Variants in RIT2 observed in about 807,000 individuals in gnomAD.
The protein encoded by RIT2 is Ras like without CAAX 2, also known as GTP-binding protein Rit2.
A neutral mutation model predicts 23.7 loss-of-function variants in RIT2; 24 were observed. The ratio of observed to expected loss-of-function variants is 1.01; its 90% CI spans 0.73 to 1.43. The LOEUF (loss-of-function observed/expected upper bound fraction) is 1.43. Ranked by LOEUF, RIT2 falls within the 40% of genes most tolerant of loss-of-function variation. The pLI is 0.00. For missense variants in RIT2, 236 were observed against 266.9 expected (o/e 0.88, Z 0.81); for synonymous variants, 107 against 91.1 (o/e 1.17, Z -0.99).
intron 1 of RIT2, among the ~76,000 whole-genome samples, chr18:43,073,754 T>G (rs1425211789): frequency 6.6e-6 from 1 of 152,180 alleles, no homozygotes; most frequent in Non-Finnish European, 1.5e-5. Flanking sequence ...ACTGGTTGAC[T>G]GGACATACCT....
chr18:42,877,157 A>G (rs1334946028), intron 4 of RIT2, among the ~76,000 whole-genome samples: 2 of 151,912 alleles, frequency 1.3e-5, no homozygotes, highest in African/African-American at 4.8e-5. Context: ...AAACTACCAA[A>G]TTATTAAAAG....
intron 4 of RIT2, among the ~76,000 whole-genome samples, chr18:42,782,774 A>G (rs1449791419): frequency 1.3e-5 from 2 of 152,136 alleles, no homozygotes; most frequent in Admixed American, 6.6e-5. Context: ...TCCCCTTGGT[A>G]GGGAATCTAA....
chr18:43,076,919 C>T (rs1225922363), intron 1 of RIT2, among the ~76,000 whole-genome samples: 7 of 151,186 alleles, frequency 4.6e-5, no homozygotes, highest in Non-Finnish European at 7.4e-5. Flanking sequence ...CCGGCTAAAA[C>T]GGTGAAACCC....
At chr18:42,815,174 C>T (rs1203609216) in intron 4 of RIT2, among the ~76,000 whole-genome samples, 2 of 152,094 alleles carry the variant, frequency 1.3e-5, no homozygotes, top group African/African-American at 4.8e-5. Flanking sequence ...AAGAAGAAAT[C>T]CCCGATTTAC....
chr18:42,765,986 T>A (rs923416255), intron 4 of RIT2, among the ~76,000 whole-genome samples: 1 of 152,158 alleles, frequency 6.6e-6, no homozygotes, highest in Non-Finnish European at 1.5e-5. Flanking sequence ...TTTCACCTCC[T>A]GCCATGATTC....
intron 4 of RIT2, among the ~76,000 whole-genome samples, chr18:42,855,213 AC>A (rs1907150875): frequency 6.6e-6 from 1 of 152,186 alleles, no homozygotes. Context: ...TCTTGAGATA[AC>A]AAGGCCTGGT....
chr18:43,056,948 T>G (rs772583259), intron 1 of RIT2, among the ~76,000 whole-genome samples: 6 of 151,630 alleles, frequency 4.0e-5, no homozygotes, highest in Non-Finnish European at 8.8e-5. Flanking sequence ...TTAATTATAA[T>G]CATGGGATTT....
At chr18:42,823,810 T>C (rs1464741387) in intron 4 of RIT2, among the ~76,000 whole-genome samples, 1 of 152,136 alleles carries the variant, frequency 6.6e-6, no homozygotes, top group East Asian at 1.9e-4. Context: ...ATGGGCTCAA[T>C]TCACGGAGTC....
At chr18:42,961,856 T>C (rs923531170) in intron 3 of RIT2, among the ~76,000 whole-genome samples, 2 of 152,230 alleles carry the variant, frequency 1.3e-5, no homozygotes, top group African/African-American at 4.8e-5. Flanking sequence ...CAAAGTGGTA[T>C]TCTCTCAGAG....
chr18:42,912,984 A>G (rs975186287), intron 4 of RIT2, among the ~76,000 whole-genome samples: 3 of 151,970 alleles, frequency 2.0e-5, no homozygotes, highest in East Asian at 3.9e-4. Context: ...CGAGGGAGGA[A>G]TTATTGATGT....
intron 1 of RIT2, among the ~76,000 whole-genome samples, chr18:43,097,371 C>G (rs541753402): frequency 6.6e-6 from 1 of 151,902 alleles, no homozygotes; most frequent in East Asian, 1.9e-4. Context: ...GTTAAATATA[C>G]AAATCCGAAT....
chr18:42,750,513 G>A (rs948929058), intron 4 of RIT2, among the ~76,000 whole-genome samples: 6 of 151,718 alleles, frequency 4.0e-5, no homozygotes, highest in African/African-American at 1.4e-4. Context: ...GCATAATTTT[G>A]TCCTCCAGTA....
At chr18:43,047,171 T>A (rs548746210) in intron 1 of RIT2, among the ~76,000 whole-genome samples, 4 of 152,128 alleles carry the variant, frequency 2.6e-5, no homozygotes, top group Non-Finnish European at 5.9e-5. Flanking sequence ...CTACCGTTTC[T>A]CCTTTCTCAA....
intron 4 of RIT2, among the ~76,000 whole-genome samples, chr18:42,860,103 C>T (rs2144048236): frequency 6.6e-6 from 1 of 152,294 alleles, no homozygotes; most frequent in Middle Eastern, 3.4e-3. Context: ...TCTTTTCTCA[C>T]AAGGAGCTCC....
chr18:42,912,230 T>C (rs531103198), intron 4 of RIT2, among the ~76,000 whole-genome samples: 216 of 146,826 alleles, frequency 1.5e-3, no homozygotes, highest in Non-Finnish European at 1.8e-3. Context: ...TACCCATTCA[T>C]GAAAAAAAAA....
At chr18:42,998,380 C>T (rs181047461) in intron 2 of RIT2, among the ~76,000 whole-genome samples, 2 of 152,194 alleles carry the variant, frequency 1.3e-5, no homozygotes, top group East Asian at 1.9e-4. Flanking sequence ...TTGCTTACTC[C>T]CATTTTAGTT....
intron 4 of RIT2, among the ~76,000 whole-genome samples, chr18:42,921,395 T>C (rs907170025): frequency 6.6e-6 from 1 of 152,148 alleles, no homozygotes; most frequent in African/African-American, 2.4e-5. Context: ...TCTGCAAAGT[T>C]ACTCAACTTA....
Position 42,809,040 on chromosome 18 carries a change from A to G in RIT2, c.427-65320T>C, listed in dbSNP as rs566393236. 5.9e-5 allele frequency among the ~76,000 whole-genome samples: 9 copies of G among 152,272 alleles called. No individual in the cohort carries two copies. The South Asian group carries it at 1.5e-3, about 25-fold the overall frequency. On this transcript the variant is annotated intron_variant, in intron 4 of 4. Transcript: ENST00000326695. The stretch of plus-strand genomic sequence containing the variant: ...ATTCAAACTGGTCTTGTTTTCAAGG[A>G]TTTCAACACACTGTTGAGATAGGAT...
At chr18:42,811,301 A>T (rs1440213353) in intron 4 of RIT2, among the ~76,000 whole-genome samples, 1 of 152,078 alleles carries the variant, frequency 6.6e-6, no homozygotes, top group African/African-American at 2.4e-5. Context: ...CAATAATAAC[A>T]TTTTTTTATG....
Sources: gnomAD v4.1 joint callset for allele counts (sites outside exome capture counted in the v4.1 genomes callset) on GRCh38, gnomAD v4.1.1 for gene constraint, MANE v1.5 for transcripts, NCBI Gene and HGNC (gene_info 2026-07-23, HGNC 2026-07-21) for gene names.